TNNT3: variants seen among roughly 807,000 people sequenced by gnomAD.
TNNT3 encodes the protein troponin T3, fast skeletal type.
A neutral mutation model predicts 54.2 loss-of-function variants in TNNT3; 36 were observed. The ratio of observed to expected loss-of-function variants is 0.66; its 90% CI spans 0.51 to 0.88. The LOEUF (loss-of-function observed/expected upper bound fraction) is 0.88, where lower values mean the gene tolerates loss of function less well. TNNT3 is among the 40% of genes least tolerant of loss of function. TNNT3 has a pLI of 0.00. For synonymous variants in TNNT3, 120 were observed against 109.7 expected (o/e 1.09, Z -0.59); for missense variants, 291 against 331.6 (o/e 0.88, Z 0.95).
At chr11:1,923,492 C>T in intron 3 of TNNT3, 63 bp from the exon 4 acceptor site, 1 of 1,581,378 alleles carries the variant, frequency 6.3e-7, no homozygotes, top group Non-Finnish European at 8.7e-7. Context: ...CTCTCATCCT[C>T]CTCCTCCCTT....
At chr11:1,920,257 C>T (rs1020216959) in intron 1 of TNNT3, among the ~76,000 whole-genome samples, 9 of 152,156 alleles carry the variant, frequency 5.9e-5, no homozygotes, top group South Asian at 2.1e-4. Flanking sequence ...GAGATGAAAA[C>T]GAGGACAGGA....
intron 6 of TNNT3, chr11:1,928,878 A>G: frequency 3.4e-6 from 2 of 586,692 alleles, no homozygotes; most frequent in South Asian, 3.7e-5. Flanking sequence ...CCTATTCTCC[A>G]CTAGGTCTTC....
At chr11:1,936,383 C>T (rs954398621) in intron 14 of TNNT3, 7 of 1,009,422 alleles carry the variant, frequency 6.9e-6, no homozygotes, top group East Asian at 5.1e-5. Context: ...CTTCCTCCTG[C>T]CCCCGCTCTC....
Position 1,932,458 on chromosome 11 carries a change from C to T in TNNT3, c.126-11C>T, listed in dbSNP as rs200763079. ...GGTCTCTGCTCACGGGCCTCTCTGT[C>T]TCCTCTTCAGACTCACTGCTCCTAA... On this transcript the variant is annotated splice_polypyrimidine_tract_variant and intron_variant, in intron 8 of 15. Coordinates refer to ENST00000278317, the MANE Select transcript of TNNT3 (RefSeq NM_006757.4). 6.2e-7 allele frequency: 1 copy of T among 1,613,504 alleles called. No homozygotes were observed. The highest frequency in any genetic ancestry group is 8.5e-7 in the Non-Finnish European group (1 of 1,179,944).
chr11:1,930,585 G>A (rs1245053078), intron 8 of TNNT3, among the ~76,000 whole-genome samples: 1 of 152,156 alleles, frequency 6.6e-6, no homozygotes, highest in African/African-American at 2.4e-5. Context: ...CACTCGCTAC[G>A]TGATTCACCC....
At chr11:1,929,899 G>T (rs1564816297) in intron 8 of TNNT3, 71 bp downstream of exon 8, 5 of 1,530,670 alleles carry the variant, frequency 3.3e-6, no homozygotes, top group Non-Finnish European at 4.4e-6. Flanking sequence ...TGAGTGTGGG[G>T]TCCTGGCAGG....
At chr11:1,920,669 G>A (rs1305256897) in intron 1 of TNNT3, among the ~76,000 whole-genome samples, 5 of 152,128 alleles carry the variant, frequency 3.3e-5, no homozygotes, top group African/African-American at 4.8e-5. Context: ...CCCTGGCCCC[G>A]TCACCTCCCA....
At chr11:1,922,938 G>A (rs1046108921) in intron 2 of TNNT3, 47 bp downstream of exon 2, 1 of 1,613,642 alleles carries the variant, frequency 6.2e-7, no homozygotes, top group African/African-American at 1.3e-5. Flanking sequence ...CGGGACCCTG[G>A]CCCCTTGGCT....
intron 4 of TNNT3, among the ~76,000 whole-genome samples, chr11:1,924,372 G>A (rs945296647): frequency 5.9e-5 from 9 of 152,200 alleles, no homozygotes; most frequent in African/African-American, 1.9e-4. Flanking sequence ...TTCTCAGGCC[G>A]ACGGCGCTGC....
At chr11:1,933,022 A>G (rs964687024) in intron 9 of TNNT3, among the ~76,000 whole-genome samples, 1 of 150,550 alleles carries the variant, frequency 6.6e-6, no homozygotes, top group Admixed American at 6.6e-5. Flanking sequence ...CCATCCACCC[A>G]TCCATCCATC....
chr11:1,928,909 C>T, intron 6 of TNNT3: 2 of 655,108 alleles, frequency 3.1e-6, no homozygotes, highest in Non-Finnish European at 5.5e-6. Context: ...CTCCACTGGG[C>T]ACCCAGCCCC....
chr11:1,925,724 C>G (rs771225098), intron 5 of TNNT3, among the ~76,000 whole-genome samples: 19 of 152,062 alleles, frequency 1.2e-4, no homozygotes, highest in Non-Finnish European at 2.4e-4. Context: ...GGGCAGAACC[C>G]TGCAGCCTGG....
At chr11:1,932,406 A>C in intron 8 of TNNT3, 63 bp from the exon 9 acceptor site, 1 of 1,541,112 alleles carries the variant, frequency 6.5e-7, no homozygotes, top group Non-Finnish European at 9.0e-7. Context: ...GGAAAGCGCC[A>C]GGCTGACCCT....
At chr11:1,935,502 G>C (rs951459510) in intron 14 of TNNT3, 29 of 176,320 alleles carry the variant, frequency 1.6e-4, no homozygotes, top group African/African-American at 6.9e-4. Context: ...CACTATCACC[G>C]CAGGCAAAGC....
intron 6 of TNNT3, chr11:1,928,878 A>T (rs1305207423): frequency 1.7e-6 from 1 of 586,692 alleles, no homozygotes; most frequent in Non-Finnish European, 3.1e-6. Flanking sequence ...CCTATTCTCC[A>T]CTAGGTCTTC....
At position 1,926,516 on chromosome 11, in the gene TNNT3, G is replaced by A. The variant is rs763052537; in HGVS notation, c.68-179G>A. 4 of 1,613,164 alleles carry A rather than the reference G, an allele frequency of 2.5e-6. No homozygotes were observed. In the Admixed American group the frequency reaches 5.0e-5, roughly 20 times the overall value. On this transcript the variant is annotated intron_variant, in intron 5 of 15. Coordinates refer to ENST00000278317, the MANE Select transcript of TNNT3 (RefSeq NM_006757.4). ...TGACTTCGATGCCACATGGGCACGT[G>A]TGGCCATGTGGGGGGTGCAGGACCC...
chr11:1,934,246 T>G, intron 11 of TNNT3, 86 bp from the exon 12 acceptor site: 2 of 1,301,468 alleles, frequency 1.5e-6, no homozygotes, highest in Non-Finnish European at 2.2e-6. Context: ...CAGACAGCTC[T>G]AAGCCCAGGG....
upstream of TNNT3, chr11:1,919,597 C>G (rs1197371596): frequency 6.6e-6 from 1 of 151,594 alleles, no homozygotes; most frequent in Non-Finnish European, 1.5e-5. Context: ...ACGGGCATAG[C>G]CCCCCCCAGC....
intron 9 of TNNT3, among the ~76,000 whole-genome samples, chr11:1,933,016 C>A (rs1445939784): frequency 6.6e-6 from 1 of 151,658 alleles, no homozygotes; most frequent in Non-Finnish European, 1.5e-5. Flanking sequence ...ACCCACCCAT[C>A]CACCCATCCA....
Sources: gnomAD v4.1 joint callset for allele counts (sites outside exome capture counted in the v4.1 genomes callset) on GRCh38, gnomAD v4.1.1 for gene constraint, MANE v1.5 for transcripts, NCBI Gene and HGNC (gene_info 2026-07-23, HGNC 2026-07-21) for gene names.